GSTA4: variants seen among roughly 807,000 people sequenced by gnomAD.
The protein encoded by GSTA4 is glutathione S-transferase A4.
A neutral mutation model predicts 24.4 loss-of-function variants in GSTA4; 15 were observed. The observed-to-expected ratio is 0.61, with a 90% CI of 0.41 to 0.95. The LOEUF is 0.95. GSTA4 is among the 40% of genes least tolerant of loss of function. The pLI, the probability that GSTA4 is intolerant of heterozygous loss-of-function variation, is 0.00. For missense variants in GSTA4, 244 were observed against 262.1 expected, an observed-to-expected ratio of 0.93 and a Z score of 0.48; for synonymous variants, 92 against 94.2, an observed-to-expected ratio of 0.98 and a Z score of 0.13.
At chr6:52,986,530 C>T (rs1201963290) in intron 3 of GSTA4, among the ~76,000 whole-genome samples, 1 of 152,198 alleles carries the variant, frequency 6.6e-6, no homozygotes, top group Non-Finnish European at 1.5e-5. Context: ...AAAAAAACAA[C>T]CCATTGTTTT....
At chr6:52,989,789 G>T (rs1310319616) in intron 2 of GSTA4, among the ~76,000 whole-genome samples, 1 of 152,178 alleles carries the variant, frequency 6.6e-6, no homozygotes, top group Non-Finnish European at 1.5e-5. Flanking sequence ...TTTGTCCCTG[G>T]ATATTTGTAC....
rs542440084 is a variant in GSTA4, at chr6:52,978,547, G to A, written c.592C>T (p.Leu198Phe). ...GGCTTCTTCTTGCTGCCAGGTTCAAGGAATCTCTTAATTGTAGGGATATTA... is the reference window on the plus strand; with the variant it reads ...GGCTTCTTCTTGCTGCCAGGTTCAAAGAATCTCTTAATTGTAGGGATATTA... ...LSNIPTIKRF[L>F]EPGSKKKPPP... Residue 198 changes from leucine to phenylalanine, a missense_variant, in exon 7 of 7, where the codon CTT becomes TTT. Coordinates refer to ENST00000370963, the MANE Select transcript of GSTA4 (RefSeq NM_001512.4). The A allele has an allele frequency of 3.1e-6, 5 of 1,612,006 alleles. No individual in the cohort carries two copies. Among genetic ancestry groups the A allele is most frequent in the Admixed American group, 1.7e-5 (1 of 59,944 alleles).
intron 3 of GSTA4, 108 bp downstream of exon 3, chr6:52,987,249 T>C: frequency 1.4e-6 from 1 of 715,750 alleles, no homozygotes; most frequent in South Asian, 1.8e-5. Flanking sequence ...GGTTTTAGGA[T>C]ACTGTTCTGA....
intron 6 of GSTA4, among the ~76,000 whole-genome samples, chr6:52,980,946 C>T (rs9357758): frequency 0.17 from 25,524 of 152,086 alleles, 2,599 homozygotes; most frequent in Admixed American, 0.27. Flanking sequence ...GAAGCTGGCA[C>T]TCAACAAGTT....
At chr6:52,994,104 A>T in intron 2 of GSTA4, 53 bp downstream of exon 2, 1 of 1,187,854 alleles carries the variant, frequency 8.4e-7, no homozygotes, top group East Asian at 2.3e-5. Context: ...TTTTTCTTTC[A>T]AAGGTCTCAA....
intron 2 of GSTA4, among the ~76,000 whole-genome samples, chr6:52,992,484 A>G (rs1410702361): frequency 1.3e-5 from 2 of 152,220 alleles, no homozygotes; most frequent in Admixed American, 6.5e-5. Flanking sequence ...AAATGCAGCA[A>G]CCTGGCAGAG....
Position 52,984,444 on chromosome 6 carries a change from T to A in GSTA4, c.414+20A>T, listed in dbSNP as rs1212933668. The stretch of plus-strand genomic sequence containing the variant: ...TTGTGGTTTGGTTGCTCTGTGTATG[T>A]AGGCATCTCTGCCACCTACCTTTTC... On this transcript the variant is annotated intron_variant, in intron 5 of 6. Coordinates refer to ENST00000370963, the MANE Select transcript of GSTA4 (RefSeq NM_001512.4). The A allele has an allele frequency of 6.2e-7, 1 of 1,607,624 alleles. No individual in the cohort carries two copies. The highest frequency in any genetic ancestry group is 1.7e-5 in the Admixed American group (1 of 58,604).
rs10658673 is a variant in GSTA4 at position 52,980,311 on chromosome 6, G to GTT, written c.547-1721_547-1720dup. ...TGCATGCCTGGAAAGATTTCACTTTGTTTTTTTTTTTGAGACACAGTTTTG... is the reference window on the plus strand; with the variant it reads ...TGCATGCCTGGAAAGATTTCACTTTGTTTTTTTTTTTTTGAGACACAGTTTTG... On this transcript the variant is annotated intron_variant, in intron 6 of 6. Transcript: ENST00000370963. Among the ~76,000 whole-genome samples the GTT allele has an allele frequency of 1.0e-3, 148 of 147,262 alleles. 1 individual carries two copies. The highest frequency in any genetic ancestry group is 2.6e-3 in the African/African-American group (103 of 39,774).
At chr6:52,980,285 A>G (rs865815757) in intron 6 of GSTA4, among the ~76,000 whole-genome samples, 1 of 149,990 alleles carries the variant, frequency 6.7e-6, no homozygotes, top group South Asian at 2.1e-4. Context: ...ATGTATATAT[A>G]TGCATGCCTG....
intron 5 of GSTA4, among the ~76,000 whole-genome samples, chr6:52,983,548 G>T (rs1453977219): frequency 6.6e-6 from 1 of 152,168 alleles, no homozygotes; most frequent in South Asian, 2.1e-4. Context: ...TCCATTTTCT[G>T]GCCATGTTAC....
chr6:52,984,402 G>A, intron 5 of GSTA4, 62 bp downstream of exon 5: 1 of 1,483,792 alleles, frequency 6.7e-7, no homozygotes, highest in South Asian at 1.2e-5. Flanking sequence ...GGGTGTTTGT[G>A]GCAGCTTCTT....
At chr6:52,984,113 C>T (rs1244248884) in intron 5 of GSTA4, among the ~76,000 whole-genome samples, 1 of 152,160 alleles carries the variant, frequency 6.6e-6, no homozygotes, top group Non-Finnish European at 1.5e-5. Context: ...TGTTCGACAA[C>T]TTTTGTTGAA....
intron 2 of GSTA4, among the ~76,000 whole-genome samples, chr6:52,989,042 T>A (rs967823447): frequency 6.6e-6 from 1 of 152,106 alleles, no homozygotes; most frequent in Non-Finnish European, 1.5e-5. Flanking sequence ...ATAAAACAGG[T>A]TGCATTAAAG....
intron 5 of GSTA4, 106 bp from the exon 6 acceptor site, chr6:52,982,811 A>G (rs1162663115): frequency 1.6e-5 from 13 of 832,114 alleles, no homozygotes; most frequent in Non-Finnish European, 2.5e-5. Context: ...TGACCTTGTC[A>G]TTTCATGCTT....
chr6:52,989,627 G>C (rs1282009852), intron 2 of GSTA4, among the ~76,000 whole-genome samples: 2 of 152,170 alleles, frequency 1.3e-5, no homozygotes, highest in African/African-American at 4.8e-5. Flanking sequence ...TGTGAGGAAA[G>C]GAGCCTCAAT....
intron 6 of GSTA4, among the ~76,000 whole-genome samples, chr6:52,982,273 A>G (rs1046959568): frequency 9.9e-5 from 15 of 152,052 alleles, no homozygotes; most frequent in African/African-American, 3.6e-4. Context: ...AGTCCCTGCT[A>G]CTCAGGAGAC....
At chr6:52,981,117 GA>G (rs538118820) in intron 6 of GSTA4, among the ~76,000 whole-genome samples, 147 of 150,278 alleles carry the variant, frequency 9.8e-4, no homozygotes, top group African/African-American at 3.3e-3. Flanking sequence ...AAAAAAAATT[GA>G]AAAAAAAATA....
At chr6:52,987,633 G>T (rs1033483702) in intron 2 of GSTA4, 3 of 468,200 alleles carry the variant, frequency 6.4e-6, no homozygotes, top group Middle Eastern at 5.9e-4. Context: ...CTTACTAGAG[G>T]CTGGGAAGTG....
chr6:52,994,735 C>G (rs1439521199), intron 1 of GSTA4, among the ~76,000 whole-genome samples: 3 of 152,186 alleles, frequency 2.0e-5, no homozygotes, highest in African/African-American at 7.2e-5. Context: ...GGAAGGTGAA[C>G]AGGCCGAGTA....
Sources: allele counts gnomAD v4.1 joint callset (sites outside exome capture counted in the v4.1 genomes callset), GRCh38; gene constraint gnomAD v4.1.1; transcripts MANE v1.5; gene names NCBI Gene and HGNC (gene_info 2026-07-23, HGNC 2026-07-21).